The following ANK2 variants were observed in gnomAD, a reference collection of about 807,000 sequenced individuals.
ANK2 encodes ankyrin 2, also known as ankyrin-2.
In ANK2, 83 loss-of-function variants were observed where a neutral mutation model predicts 360.5. That is an observed-to-expected ratio of 0.23 (90% CI 0.19 to 0.28). ANK2 has a LOEUF of 0.28. ANK2 is among the 10% of genes least tolerant of loss of function. The pLI, the probability that ANK2 is intolerant of heterozygous loss-of-function variation, is 1.00. For synonymous variants in ANK2, 1,740 were observed against 1,759.5 expected (o/e 0.99, Z 0.28); for missense variants, 4,201 against 4,795.7 (o/e 0.88, Z 3.66).
chr4:113,315,568 A>C (rs1410436086), intron 24 of ANK2, among the ~76,000 whole-genome samples: 1 of 152,164 alleles, frequency 6.6e-6, no homozygotes, highest in Non-Finnish European at 1.5e-5. Flanking sequence ...TTCCTTAGCC[A>C]AATTCAAAAC....
chr4:112,948,907 T>TGGTGCTTTC, intron 2 of ANK2, among the ~76,000 whole-genome samples: 1 of 152,294 alleles, frequency 6.6e-6, no homozygotes, highest in African/African-American at 2.4e-5. Context: ...CTATTGCTTT[T>TGGTGCTTTC]GGTGCTTTCC....
intron 2 of ANK2, among the ~76,000 whole-genome samples, chr4:112,938,495 T>A (rs2093943510): frequency 6.6e-6 from 1 of 152,192 alleles, no homozygotes; most frequent in Non-Finnish European, 1.5e-5. Context: ...AATCTACTTT[T>A]ATCTAATCTT....
chr4:112,816,357 CCA>C (rs1443855026), upstream of ANK2, among the ~76,000 whole-genome samples: 2 of 152,100 alleles, frequency 1.3e-5, no homozygotes, highest in East Asian at 3.9e-4. Context: ...ATATTGAATT[CCA>C]CAGTCACAAG....
the ANK2 span, among the ~76,000 whole-genome samples, chr4:112,725,704 A>G: frequency 6.6e-6 from 1 of 152,024 alleles, no homozygotes; most frequent in Non-Finnish European, 1.5e-5. Context: ...GATTCCAAAT[A>G]TATAAGGTAC....
At chr4:112,706,869 CTGTT>C in the ANK2 span, 2 of 152,216 alleles carry the variant, frequency 1.3e-5, no homozygotes, top group Non-Finnish European at 2.9e-5. Context: ...GTTTCTTTGA[CTGTT>C]TGAATAAGCC....
chr4:113,062,017 T>A (rs560662744), intron 1 of ANK2, among the ~76,000 whole-genome samples: 1 of 152,030 alleles, frequency 6.6e-6, no homozygotes, highest in East Asian at 1.9e-4. Flanking sequence ...ATTAAAAAAA[T>A]TTTGAAAAGC....
chr4:112,862,312 T>TA (rs2068381560), intron 1 of ANK2, among the ~76,000 whole-genome samples: 1 of 152,240 alleles, frequency 6.6e-6, no homozygotes, highest in South Asian at 2.1e-4. Context: ...CATTATTTTT[T>TA]AGCATCTAAT....
At chr4:112,994,983 C>T (rs2048064972) in intron 2 of ANK2, among the ~76,000 whole-genome samples, 1 of 152,206 alleles carries the variant, frequency 6.6e-6, no homozygotes, top group Non-Finnish European at 1.5e-5. Context: ...ATATGTACCA[C>T]ATTTTCTTTA....
chr4:112,850,992 G>A (rs910749707), intron 1 of ANK2, among the ~76,000 whole-genome samples: 5 of 151,992 alleles, frequency 3.3e-5, no homozygotes, highest in African/African-American at 1.2e-4. Context: ...GTATGATTTC[G>A]TTACTTGAAG....
intron 2 of ANK2, among the ~76,000 whole-genome samples, chr4:113,025,398 A>G (rs1029533547): frequency 6.6e-6 from 1 of 152,066 alleles, no homozygotes; most frequent in Non-Finnish European, 1.5e-5. Flanking sequence ...TTTCTTTTCT[A>G]TTACTCCCTC....
At chr4:112,742,729 CTTTT>C in the ANK2 span, among the ~76,000 whole-genome samples, 1 of 144,594 alleles carries the variant, frequency 6.9e-6, no homozygotes, top group Non-Finnish European at 1.5e-5. Context: ...TCCACATCTT[CTTTT>C]TTTTTTTTTG....
At chr4:113,152,984 A>G (rs1203834675) in intron 1 of ANK2, among the ~76,000 whole-genome samples, 1 of 152,206 alleles carries the variant, frequency 6.6e-6, no homozygotes, top group African/African-American at 2.4e-5. Flanking sequence ...ATTGTTTCTT[A>G]AAGCTATGTG....
At chr4:112,999,426 C>T (rs1435208654) in intron 2 of ANK2, among the ~76,000 whole-genome samples, 1 of 152,132 alleles carries the variant, frequency 6.6e-6, no homozygotes, top group Non-Finnish European at 1.5e-5. Flanking sequence ...AAATCACTTA[C>T]TGATGATTCC....
At chr4:112,795,285 T>G in the ANK2 span, among the ~76,000 whole-genome samples, 1 of 152,278 alleles carries the variant, frequency 6.6e-6, no homozygotes, top group Non-Finnish European at 1.5e-5. Context: ...CCTGGGATAT[T>G]CATGTTTGGA....
intron 4 of ANK2, chr4:113,217,009 G>A (rs1188953013): frequency 1.3e-5 from 2 of 152,000 alleles, no homozygotes; most frequent in African/African-American, 4.8e-5. Flanking sequence ...AATCAACCTT[G>A]CCACATCATA....
At chr4:113,134,878 C>A (rs1443941940) in intron 1 of ANK2, among the ~76,000 whole-genome samples, 1 of 152,106 alleles carries the variant, frequency 6.6e-6, no homozygotes, top group South Asian at 2.1e-4. Context: ...GAAGTCAGAT[C>A]AATTTTATGA....
At chr4:112,740,629 A>G in the ANK2 span, among the ~76,000 whole-genome samples, 1 of 151,910 alleles carries the variant, frequency 6.6e-6, no homozygotes, top group Non-Finnish European at 1.5e-5. Flanking sequence ...GCTTGAACCC[A>G]GGAGTTGGAA....
At chr4:113,181,349 G>C (rs907006023) in intron 2 of ANK2, among the ~76,000 whole-genome samples, 1 of 152,152 alleles carries the variant, frequency 6.6e-6, no homozygotes, top group African/African-American at 2.4e-5. Flanking sequence ...ACTCCAAGCA[G>C]CCACTCCACT....
At chr4:112,734,450 T>G in the ANK2 span, among the ~76,000 whole-genome samples, 1 of 152,222 alleles carries the variant, frequency 6.6e-6, no homozygotes, top group Non-Finnish European at 1.5e-5. Flanking sequence ...CCTTTTCCTG[T>G]GTCCAGAGTC....
Sources: allele counts gnomAD v4.1 joint callset (sites outside exome capture counted in the v4.1 genomes callset), GRCh38; gene constraint gnomAD v4.1.1; transcripts MANE v1.5; gene names NCBI Gene and HGNC (gene_info 2026-07-23, HGNC 2026-07-21).